The following EPHB1 variants were observed in gnomAD, a reference collection of about 807,000 sequenced individuals.
EPHB1 encodes the protein EPH receptor B1, also known as ephrin type-B receptor 1.
A neutral mutation model predicts 94.4 loss-of-function variants in EPHB1; 30 were observed. That is an observed-to-expected ratio of 0.32 (90% CI 0.24 to 0.43). The LOEUF is 0.43. Among genes scored for constraint, EPHB1 ranks in the 20% least tolerant of loss-of-function variants. The probability of loss-of-function intolerance (pLI) is 1.00; values close to 1 mark genes in which losing one functional copy is unlikely to be tolerated. For synonymous variants in EPHB1, 522 were observed against 489.1 expected (o/e 1.07, Z -0.89); for missense variants, 1,055 against 1,308.3 (o/e 0.81, Z 2.99).
intron 3 of EPHB1, among the ~76,000 whole-genome samples, chr3:135,085,409 C>T (rs944560892): frequency 5.3e-5 from 8 of 152,172 alleles, no homozygotes; most frequent in Admixed American, 3.3e-4. Flanking sequence ...GGTTTCTGGT[C>T]GGTGTCAACA....
chr3:134,964,250 C>G (rs1578235900), intron 3 of EPHB1, among the ~76,000 whole-genome samples: 1 of 152,170 alleles, frequency 6.6e-6, no homozygotes, highest in Non-Finnish European at 1.5e-5. Context: ...AAGGCATGCA[C>G]TTGTGGAAGT....
chr3:134,826,085 C>CAAA (rs34879749), intron 1 of EPHB1, among the ~76,000 whole-genome samples: 1,534 of 110,408 alleles, frequency 0.014, 34 homozygotes, highest in South Asian at 0.077. Context: ...ACTAAAAATA[C>CAAA]AAAAAAAAAA....
intron 3 of EPHB1, among the ~76,000 whole-genome samples, chr3:134,982,503 C>T (rs770965903): frequency 2.0e-5 from 3 of 152,112 alleles, no homozygotes; most frequent in Non-Finnish European, 4.4e-5. Flanking sequence ...TTCTGCAAAT[C>T]GTTGGCATCA....
At chr3:135,107,073 A>G (rs1343039213) in intron 4 of EPHB1, among the ~76,000 whole-genome samples, 2 of 152,316 alleles carry the variant, frequency 1.3e-5, no homozygotes, top group East Asian at 3.9e-4. Flanking sequence ...TCAGTTACCA[A>G]ATGAAGACTA....
intron 5 of EPHB1, among the ~76,000 whole-genome samples, chr3:135,152,940 A>C (rs1182237530): frequency 6.6e-6 from 1 of 152,200 alleles, no homozygotes; most frequent in African/African-American, 2.4e-5. Context: ...AAGGTCCCAG[A>C]GGACACTCTG....
intron 4 of EPHB1, among the ~76,000 whole-genome samples, chr3:135,125,898 A>G (rs926600941): frequency 1.6e-4 from 24 of 152,160 alleles, no homozygotes; most frequent in African/African-American, 5.6e-4. Flanking sequence ...TGCTTCTTGA[A>G]TTCTGCTTCC....
intron 1 of EPHB1, among the ~76,000 whole-genome samples, chr3:134,858,872 C>T (rs1184531026): frequency 6.6e-6 from 1 of 152,180 alleles, no homozygotes; most frequent in Non-Finnish European, 1.5e-5. Context: ...CCCGCAGGGG[C>T]ACTTGCTGAA....
intron 3 of EPHB1, among the ~76,000 whole-genome samples, chr3:135,043,813 C>G (rs532563037): frequency 6.6e-6 from 1 of 152,294 alleles, no homozygotes; most frequent in East Asian, 1.9e-4. Context: ...AAGGAAGAAG[C>G]AGGACAGAAG....
chr3:135,081,590 G>A (rs543965913), intron 3 of EPHB1, among the ~76,000 whole-genome samples: 20 of 152,256 alleles, frequency 1.3e-4, no homozygotes, highest in East Asian at 9.7e-4. Context: ...TGGGCTGCTC[G>A]CCACTGCTGC....
chr3:134,857,471 T>A (rs1007900347), intron 1 of EPHB1, among the ~76,000 whole-genome samples: 1 of 152,070 alleles, frequency 6.6e-6, no homozygotes, highest in African/African-American at 2.4e-5. Flanking sequence ...AGGCTGCGGG[T>A]GTCAGCCCTG....
intron 5 of EPHB1, among the ~76,000 whole-genome samples, chr3:135,140,988 G>A (rs538915582): frequency 7.2e-5 from 11 of 152,242 alleles, no homozygotes; most frequent in Admixed American, 2.0e-4. Flanking sequence ...GTAAATAAAG[G>A]CAATGCTGGA....
chr3:135,240,059 C>T (rs1197607342), intron 12 of EPHB1, among the ~76,000 whole-genome samples: 2 of 152,228 alleles, frequency 1.3e-5, no homozygotes, highest in Non-Finnish European at 2.9e-5. Context: ...GCTTCTCTAA[C>T]AGCTCCTGCC....
At chr3:135,057,656 G>A (rs1025993641) in intron 3 of EPHB1, among the ~76,000 whole-genome samples, 30 of 152,056 alleles carry the variant, frequency 2.0e-4, no homozygotes, top group African/African-American at 7.2e-4. Context: ...TCTGAGTATG[G>A]TGGCCATATT....
At chr3:134,888,070 G>A (rs1049389775) in intron 1 of EPHB1, among the ~76,000 whole-genome samples, 91 of 152,150 alleles carry the variant, frequency 6.0e-4, no homozygotes, top group African/African-American at 2.0e-3. Flanking sequence ...TCTCTGGTGC[G>A]GCCCCTCTCC....
intron 3 of EPHB1, among the ~76,000 whole-genome samples, chr3:134,952,367 T>TCA (rs1559769329): frequency 3.5e-5 from 4 of 115,678 alleles, no homozygotes; most frequent in African/African-American, 1.7e-4. Flanking sequence ...TCTCTCTCTC[T>TCA]CTCTCACACA....
At chr3:134,816,514 G>A (rs1168825229) in intron 1 of EPHB1, among the ~76,000 whole-genome samples, 1 of 152,278 alleles carries the variant, frequency 6.6e-6, no homozygotes, top group Admixed American at 6.5e-5. Context: ...CGTCCCGTAA[G>A]TGGGGATGGT....
chr3:134,971,389 G>A (rs756656039), intron 3 of EPHB1, among the ~76,000 whole-genome samples: 4 of 152,160 alleles, frequency 2.6e-5, no homozygotes, highest in African/African-American at 4.8e-5. Flanking sequence ...AGGTAGAGTC[G>A]ATGCGTGACA....
chr3:135,051,635 A>G (rs1372165175), intron 3 of EPHB1, among the ~76,000 whole-genome samples: 1 of 152,224 alleles, frequency 6.6e-6, no homozygotes, highest in Admixed American at 6.5e-5. Context: ...AGCAGGACCT[A>G]AGGAATTCAT....
At chr3:134,920,937 C>T (rs1242258487) in intron 1 of EPHB1, among the ~76,000 whole-genome samples, 8 of 151,618 alleles carry the variant, frequency 5.3e-5, no homozygotes, top group Admixed American at 1.3e-4. Flanking sequence ...TTTTTTGAGA[C>T]GGGGTCTTGT....
Sources: gnomAD v4.1 joint callset for allele counts (sites outside exome capture counted in the v4.1 genomes callset) on GRCh38, gnomAD v4.1.1 for gene constraint, MANE v1.5 for transcripts, NCBI Gene and HGNC (gene_info 2026-07-23, HGNC 2026-07-21) for gene names.